KDM4B: variants seen among roughly 807,000 people sequenced by gnomAD.
KDM4B encodes the protein lysine-specific demethylase 4B.
A neutral mutation model predicts 125.2 loss-of-function variants in KDM4B; 32 were observed. That is an observed-to-expected ratio of 0.26 (90% CI 0.19 to 0.34). KDM4B has a LOEUF of 0.34. Ranked by LOEUF, KDM4B falls within the 10% of genes least tolerant of loss-of-function variation. The pLI is 1.00. For missense variants in KDM4B, 1,190 were observed against 1,577.7 expected, an observed-to-expected ratio of 0.75 and a Z score of 4.16; for synonymous variants, 721 against 677.9, an observed-to-expected ratio of 1.06 and a Z score of -0.99.
intron 6 of KDM4B, among the ~76,000 whole-genome samples, chr19:5,066,867 G>C (rs558360309): frequency 6.6e-6 from 1 of 152,348 alleles, no homozygotes; most frequent in South Asian, 2.1e-4. Context: ...CAGACAGCCA[G>C]GGCTTTGAGA....
chr19:4,974,338 C>G (rs1328731946), intron 1 of KDM4B, among the ~76,000 whole-genome samples: 3 of 148,480 alleles, frequency 2.0e-5, no homozygotes, highest in Non-Finnish European at 4.5e-5. Flanking sequence ...AGAGGCGGAG[C>G]TTGCAGTGAG....
chr19:5,150,018 G>C (rs2039918410), intron 21 of KDM4B, among the ~76,000 whole-genome samples: 1 of 152,182 alleles, frequency 6.6e-6, no homozygotes, highest in South Asian at 2.1e-4. Context: ...CTGTCACCTT[G>C]TCCTGGGGCT....
At position 5,064,520 on chromosome 19, in the gene KDM4B, C is replaced by G. The variant is rs995333919; in HGVS notation, c.627-6490C>G. 3.3e-5 allele frequency among the ~76,000 whole-genome samples: 5 copies of G among 152,342 alleles called. No homozygotes were observed. The East Asian group carries it at 9.6e-4, about 29-fold the overall frequency. Reference sequence around the variant, plus strand: ...ATCCCTGGCACCTAATTGCCGAGAGCTTCCGCTGGCAGGAGCTGTCAGGCT... The same window carrying G: ...ATCCCTGGCACCTAATTGCCGAGAGGTTCCGCTGGCAGGAGCTGTCAGGCT... On this transcript the variant is annotated intron_variant, in intron 6 of 22. Coordinates refer to ENST00000159111, the MANE Select transcript of KDM4B (RefSeq NM_015015.3).
intron 21 of KDM4B, among the ~76,000 whole-genome samples, chr19:5,146,005 G>C (rs1031702914): frequency 6.6e-6 from 1 of 152,190 alleles, no homozygotes; most frequent in East Asian, 1.9e-4. Context: ...TGAAATGATC[G>C]AGTGTCACTG....
At chr19:5,052,712 T>C (rs1226028506) in intron 6 of KDM4B, among the ~76,000 whole-genome samples, 1 of 152,196 alleles carries the variant, frequency 6.6e-6, no homozygotes, top group Non-Finnish European at 1.5e-5. Context: ...CCCTGTCCCT[T>C]GGAGTGGGAC....
chr19:5,039,610 C>T (rs948156411), intron 3 of KDM4B, among the ~76,000 whole-genome samples: 27 of 152,206 alleles, frequency 1.8e-4, no homozygotes, highest in African/African-American at 6.3e-4. Context: ...CCCAGCTTCC[C>T]AGGCCTGGAG....
chr19:5,134,884 C>T (rs181938172), intron 14 of KDM4B, among the ~76,000 whole-genome samples: 188 of 152,326 alleles, frequency 1.2e-3, no homozygotes, highest in Middle Eastern at 0.01. Context: ...TGACAGCCGA[C>T]ACCGTCTCCA....
intron 9 of KDM4B, among the ~76,000 whole-genome samples, chr19:5,097,178 G>A (rs1003730822): frequency 5.3e-5 from 8 of 152,192 alleles, no homozygotes; most frequent in African/African-American, 1.9e-4. Flanking sequence ...ACCGTACACA[G>A]GATTCTTAAA....
intron 18 of KDM4B, chr19:5,138,292 G>C: frequency 1.8e-6 from 1 of 563,852 alleles, no homozygotes; most frequent in Non-Finnish European, 3.2e-6. Context: ...AAGGCATCAA[G>C]GGTGGCAGAG....
At chr19:5,106,670 C>T (rs998803471) in intron 9 of KDM4B, among the ~76,000 whole-genome samples, 1 of 152,218 alleles carries the variant, frequency 6.6e-6, no homozygotes, top group Admixed American at 6.5e-5. Context: ...TGTCCAGGCC[C>T]CCAGAGGTGC....
chr19:5,021,359 C>T lies in KDM4B; in HGVS notation c.-26+5020C>T, dbSNP rs111585808. On this transcript the variant is annotated intron_variant, in intron 2 of 22. Coordinates refer to ENST00000159111, the MANE Select transcript of KDM4B (RefSeq NM_015015.3). ...ACCCCAGCACTTTGGGAGGCCAAGG[C>T]GGGTGGCCTTGATTGCTTGAGGCCA... is the stretch of plus-strand genomic sequence containing the variant. 1.7e-3 allele frequency among the ~76,000 whole-genome samples: 255 copies of T among 152,178 alleles called. 4 individuals carry two copies. Among genetic ancestry groups the T allele is most frequent in the African/African-American group, 5.9e-3 (247 of 41,540 alleles).
chr19:5,044,563 C>T (rs2036963362), intron 5 of KDM4B, among the ~76,000 whole-genome samples: 1 of 152,172 alleles, frequency 6.6e-6, no homozygotes, highest in Admixed American at 6.5e-5. Context: ...GTTTCTTTGT[C>T]TTTGAGACAG....
At chr19:5,057,032 G>A (rs1599521815) in intron 6 of KDM4B, among the ~76,000 whole-genome samples, 1 of 51,120 alleles carries the variant, frequency 2.0e-5, no homozygotes, top group South Asian at 6.1e-4. Context: ...ATATATGCGT[G>A]TGTGTGTGTG....
In KDM4B at chr19:5,024,044, C is replaced by T. The variant is rs545301769; in HGVS notation, c.-26+7705C>T. 7.2e-5 allele frequency among the ~76,000 whole-genome samples: 11 copies of T among 152,204 alleles called. No individual in the cohort carries two copies. The South Asian group carries it at 1.5e-3, about 20-fold the overall frequency. ...GGGGTCACAGGCGTGAGCCCCTGCC[C>T]CTGGCCTTCTTATTTTTAAACCGAT... On this transcript the variant is annotated intron_variant, in intron 2 of 22. Coordinates refer to ENST00000159111, the MANE Select transcript of KDM4B (RefSeq NM_015015.3).
At chr19:5,148,781 C>T (rs949349605) in intron 21 of KDM4B, among the ~76,000 whole-genome samples, 12 of 152,182 alleles carry the variant, frequency 7.9e-5, no homozygotes, top group Non-Finnish European at 1.6e-4. Context: ...GCTGGGGCTC[C>T]GACACTAGGA....
At chr19:5,112,691 C>T (rs1464575054) in intron 10 of KDM4B, 1 of 152,388 alleles carries the variant, frequency 6.6e-6, no homozygotes, top group Non-Finnish European at 1.5e-5. Context: ...CCTCTGTCTT[C>T]CCCACCTCGC....
intron 9 of KDM4B, among the ~76,000 whole-genome samples, chr19:5,105,038 ATCCAGG>A (rs1156775730): frequency 6.6e-6 from 1 of 152,154 alleles, no homozygotes; most frequent in South Asian, 2.1e-4. Flanking sequence ...GGGCAGCAGG[ATCCAGG>A]TCCCCATGAG....
At chr19:5,049,102 T>C in intron 6 of KDM4B, among the ~76,000 whole-genome samples, 1 of 152,098 alleles carries the variant, frequency 6.6e-6, no homozygotes, top group East Asian at 1.9e-4. Flanking sequence ...GGGTGCCTGC[T>C]GCTAGGTCAG....
In KDM4B at chr19:5,114,820, A is replaced by G. The variant is rs556951015; in HGVS notation, c.1115+4002A>G. Among the ~76,000 whole-genome samples, 37 of 152,352 alleles carry G rather than the reference A, an allele frequency of 2.4e-4. No homozygotes were observed. The highest frequency in any genetic ancestry group is 7.2e-4 in the Admixed American group (11 of 15,310). On this transcript the variant is annotated intron_variant, in intron 10 of 22. Transcript: ENST00000159111. The surrounding 1 kb of genome is among the most constrained non-coding windows in gnomAD (Gnocchi z 5.8). Reference sequence around the variant, plus strand: ...CCCTGTGTTACTGGGTGACAGGGCCAGAGGCCGTCCACCCCGCCTCCTGCC... The same window carrying G: ...CCCTGTGTTACTGGGTGACAGGGCCGGAGGCCGTCCACCCCGCCTCCTGCC...
Sources: gnomAD v4.1 joint callset for allele counts (sites outside exome capture counted in the v4.1 genomes callset) on GRCh38, gnomAD v4.1.1 for gene constraint, Gnocchi (gnomAD v3.1) non-coding constraint, MANE v1.5 for transcripts, NCBI Gene and HGNC (gene_info 2026-07-23, HGNC 2026-07-21) for gene names.